Variants in KCNIP4 observed in about 807,000 individuals in gnomAD.
KCNIP4 encodes the protein potassium voltage-gated channel interacting protein 4, also known as Kv channel-interacting protein 4.
In KCNIP4, 12 loss-of-function variants were observed where a neutral mutation model predicts 34.0. That is an observed-to-expected ratio of 0.35 (90% CI 0.23 to 0.57). The LOEUF (loss-of-function observed/expected upper bound fraction) is 0.57. Ranked by LOEUF, KCNIP4 falls within the 20% of genes least tolerant of loss-of-function variation. The pLI is 0.83. For synonymous variants in KCNIP4, 124 were observed against 102.2 expected (o/e 1.21, Z -1.29); for missense variants, 238 against 311.7 (o/e 0.76, Z 1.78).
chr4:21,019,416 G>C (rs142487567), intron 1 of KCNIP4, among the ~76,000 whole-genome samples: 1 of 151,980 alleles, frequency 6.6e-6, no homozygotes, highest in Non-Finnish European at 1.5e-5. Flanking sequence ...ACTCTGCCTC[G>C]CAAAGTGCTG....
intron 1 of KCNIP4, among the ~76,000 whole-genome samples, chr4:21,607,747 A>C (rs146084882): frequency 6.6e-6 from 1 of 152,094 alleles, no homozygotes. Flanking sequence ...GCCACTGTCC[A>C]TGATACTGCT....
intron 1 of KCNIP4, among the ~76,000 whole-genome samples, chr4:21,529,776 AT>A (rs1372817243): frequency 1.3e-5 from 2 of 152,172 alleles, no homozygotes; most frequent in African/African-American, 4.8e-5. Flanking sequence ...GTATTATGAG[AT>A]AAAATACAAG....
At chr4:21,033,949 G>A (rs1277770264) in intron 1 of KCNIP4, among the ~76,000 whole-genome samples, 1 of 152,078 alleles carries the variant, frequency 6.6e-6, no homozygotes, top group African/African-American at 2.4e-5. Context: ...AAAAGCTAAT[G>A]AATTTATGTT....
chr4:21,680,893 T>C (rs1750293047), intron 1 of KCNIP4, among the ~76,000 whole-genome samples: 1 of 152,080 alleles, frequency 6.6e-6, no homozygotes, highest in South Asian at 2.1e-4. Flanking sequence ...TTTAGCATAA[T>C]TATTAAGGGC....
intron 1 of KCNIP4, among the ~76,000 whole-genome samples, chr4:20,962,378 T>A (rs1433071575): frequency 6.6e-6 from 1 of 152,236 alleles, no homozygotes; most frequent in Non-Finnish European, 1.5e-5. Flanking sequence ...CTTCTTGCAC[T>A]AACCAAAGCC....
chr4:21,926,967 A>C (rs1351502249), intron 1 of KCNIP4, among the ~76,000 whole-genome samples: 1 of 152,218 alleles, frequency 6.6e-6, no homozygotes, highest in Admixed American at 6.5e-5. Context: ...TTGGTAGGTC[A>C]GAAGTCTGAC....
At chr4:21,762,022 C>T (rs1037915362) in intron 1 of KCNIP4, among the ~76,000 whole-genome samples, 9 of 151,572 alleles carry the variant, frequency 5.9e-5, no homozygotes, top group African/African-American at 1.7e-4. Context: ...TCATATAATC[C>T]CCAATATGAC....
intron 1 of KCNIP4, among the ~76,000 whole-genome samples, chr4:21,504,475 A>AAAAAAAAAAAAAAAAAAAAGAAAG (rs1264431211): frequency 9.8e-6 from 1 of 101,850 alleles, no homozygotes; most frequent in African/African-American, 3.9e-5. Flanking sequence ...CAAAAAAAAA[A>AAAAAAAAAAAAAAAAAAAAGAAAG]AAAGAAAGAA....
chr4:21,118,955 A>G (rs1307770070), intron 1 of KCNIP4, among the ~76,000 whole-genome samples: 1 of 152,218 alleles, frequency 6.6e-6, no homozygotes, highest in African/African-American at 2.4e-5. Flanking sequence ...TTCAGTCACC[A>G]TTATGTTTGA....
chr4:20,827,173 T>G (rs1343026071), intron 3 of KCNIP4, among the ~76,000 whole-genome samples: 1 of 152,148 alleles, frequency 6.6e-6, no homozygotes, highest in African/African-American at 2.4e-5. Flanking sequence ...AATAAGAAAT[T>G]CAACTACTCT....
chr4:21,848,192 C>A (rs1332840290), intron 1 of KCNIP4: 3 of 152,104 alleles, frequency 2.0e-5, no homozygotes, highest in African/African-American at 7.2e-5. Flanking sequence ...GAAAAATAAA[C>A]CACTCACCCT....
chr4:20,967,024 T>G (rs1031484421), intron 1 of KCNIP4, among the ~76,000 whole-genome samples: 2 of 152,304 alleles, frequency 1.3e-5, no homozygotes, highest in East Asian at 3.9e-4. Context: ...CCTGTGTATC[T>G]TCAAAGCTCA....
chr4:20,843,993 T>C (rs1476789812), intron 3 of KCNIP4, among the ~76,000 whole-genome samples: 1 of 152,206 alleles, frequency 6.6e-6, no homozygotes. Context: ...CATAGAAGAA[T>C]AAGGAAAGAA....
chr4:20,742,745 T>C (rs1262468528), intron 5 of KCNIP4, among the ~76,000 whole-genome samples: 1 of 152,080 alleles, frequency 6.6e-6, no homozygotes, highest in African/African-American at 2.4e-5. Context: ...AAATAAAGGG[T>C]ATTCAATTAG....
chr4:21,209,203 T>A (rs1014895265), intron 1 of KCNIP4, among the ~76,000 whole-genome samples: 1 of 152,218 alleles, frequency 6.6e-6, no homozygotes, highest in Non-Finnish European at 1.5e-5. Context: ...TGTATAGTGA[T>A]CAGATCAGGG....
At chr4:21,802,034 T>C (rs1721034191) in intron 1 of KCNIP4, among the ~76,000 whole-genome samples, 1 of 151,778 alleles carries the variant, frequency 6.6e-6, no homozygotes, top group Non-Finnish European at 1.5e-5. Flanking sequence ...CTGAAGTTCT[T>C]CATGGGAGAA....
intron 2 of KCNIP4, among the ~76,000 whole-genome samples, chr4:20,855,884 GA>G (rs1721522209): frequency 6.6e-6 from 1 of 152,134 alleles, no homozygotes. Flanking sequence ...AAATTGATGG[GA>G]TAAAATTGAG....
intron 1 of KCNIP4, among the ~76,000 whole-genome samples, chr4:21,498,457 T>G (rs904737213): frequency 1.3e-5 from 2 of 152,212 alleles, no homozygotes; most frequent in Admixed American, 6.5e-5. Flanking sequence ...AAAAAGTCAT[T>G]TATCTAATAT....
chr4:21,215,217 AT>A (rs1006058757), intron 1 of KCNIP4, among the ~76,000 whole-genome samples: 13 of 152,250 alleles, frequency 8.5e-5, no homozygotes, highest in African/African-American at 3.1e-4. Flanking sequence ...AAAGGATCTG[AT>A]TTATAATCAT....
Sources: gnomAD v4.1 joint callset for allele counts (sites outside exome capture counted in the v4.1 genomes callset) on GRCh38, gnomAD v4.1.1 for gene constraint, MANE v1.5 for transcripts, NCBI Gene and HGNC (gene_info 2026-07-23, HGNC 2026-07-21) for gene names.